Variants in CLEC1A observed in about 807,000 individuals in gnomAD.
The protein encoded by CLEC1A is C-type lectin domain family 1 member A, also known as C-type lectin-like receptor-1.
Under a neutral mutation model 28.7 loss-of-function variants are expected in CLEC1A, and 34 were observed. The ratio of observed to expected loss-of-function variants is 1.18; its 90% CI spans 0.90 to 1.57. The LOEUF (loss-of-function observed/expected upper bound fraction) is 1.57. Ranked by LOEUF, CLEC1A falls within the 40% of genes most tolerant of loss-of-function variation. The pLI is 0.00. For synonymous variants in CLEC1A, 116 were observed against 121.0 expected (o/e 0.96, Z 0.27); for missense variants, 385 against 339.5 (o/e 1.13, Z -1.05).
chr12:10,096,779 C>T (rs552381838), intron 1 of CLEC1A, among the ~76,000 whole-genome samples: 7 of 152,144 alleles, frequency 4.6e-5, no homozygotes, highest in Non-Finnish European at 8.8e-5. Flanking sequence ...TCTATAGTGT[C>T]CCCAGCCTCT....
Position 10,071,426 on chromosome 12 carries a change from T to C in CLEC1A, c.750A>G (p.Lys250=). The change falls in exon 6 of 6, where the codon AAA becomes AAG. Residue 250 remains lysine, a synonymous_variant. Transcript: ENST00000315330. ...TCTCACAGACACAACGCTTCAATTC[T>C]TTGCAGTCCTTTGAGAAGATCATCC... ...LNGMIFSKDC[K]ELKRCVCERR... The C allele has an allele frequency of 6.2e-7, 1 of 1,614,058 alleles. No individual in the cohort carries two copies. Among genetic ancestry groups the C allele is most frequent in the African/African-American group, 1.3e-5 (1 of 75,050 alleles).
At chr12:10,094,035 C>T (rs760876094) in intron 1 of CLEC1A, among the ~76,000 whole-genome samples, 19 of 152,144 alleles carry the variant, frequency 1.2e-4, no homozygotes, top group Middle Eastern at 3.4e-3. Context: ...GAGTATACAT[C>T]TAAAAACATA....
intron 3 of CLEC1A, among the ~76,000 whole-genome samples, chr12:10,080,247 A>G (rs1489452324): frequency 6.6e-6 from 1 of 152,140 alleles, no homozygotes. Flanking sequence ...TGGGAGGAGG[A>G]AGTTGCAGCA....
rs1168906993 is a variant in CLEC1A at position 10,081,408 on chromosome 12, G to A, written c.220C>T (p.Gln74Ter). ...GLAALGLLFF[Q>*]YYQLSNTGQD... is the part of the protein sequence containing the mutation. ...CCAGTATTGGAGAGCTGGTAGTACT[G>A]AAAAACTAACCCAAATGACCAAGTC... is the stretch of plus-strand genomic sequence containing the variant. Residue 74 changes from glutamine (Q) to a stop codon, truncating the protein, a stop_gained, in exon 3 of 6, where the codon CAG (glutamine) becomes TAG (stop). Transcript: ENST00000315330. LOFTEE classifies it high-confidence loss of function. The A allele has an allele frequency of 2.5e-6, 4 of 1,589,960 alleles. No individual in the cohort carries two copies. The highest frequency in any genetic ancestry group is 2.6e-6 in the Non-Finnish European group (3 of 1,170,506).
At chr12:10,074,024 T>C (rs1158007348) in intron 4 of CLEC1A, among the ~76,000 whole-genome samples, 1 of 152,208 alleles carries the variant, frequency 6.6e-6, no homozygotes, top group Non-Finnish European at 1.5e-5. Flanking sequence ...TACTTACTTC[T>C]ATCTAGTCTC....
In CLEC1A at chr12:10,073,402, C is replaced by G; in HGVS notation, c.553G>C (p.Ala185Pro). The G allele has an allele frequency of 6.2e-7, 1 of 1,611,974 alleles. No homozygotes were observed. Among genetic ancestry groups the G allele is most frequent in the Middle Eastern group, 1.7e-4 (1 of 6,054 alleles). ...INKQEDLEFA[A>P]SQSYSEFFYS... ...AAAAACTCAGAGTAGCTCTGAGACG[C>G]GGCAAATTCCTGTGAAAAGCACATA... is the stretch of plus-strand genomic sequence containing the variant. Residue 185 changes from alanine (A) to proline (P), a missense_variant, in exon 5 of 6, where the codon GCG becomes CCG. Physicochemically the swap from Ala to Pro is conservative, Grantham distance 27. Transcript: ENST00000315330.
intron 4 of CLEC1A, among the ~76,000 whole-genome samples, chr12:10,074,622 C>G (rs1034077273): frequency 3.9e-5 from 6 of 152,078 alleles, no homozygotes; most frequent in African/African-American, 1.4e-4. Context: ...AGGGTTTATG[C>G]TAGGGCACAC....
intron 2 of CLEC1A, among the ~76,000 whole-genome samples, chr12:10,087,204 C>CAAAAAAAAA (rs59407880): frequency 1.3e-5 from 1 of 75,996 alleles, no homozygotes; most frequent in Non-Finnish European, 2.3e-5. Context: ...GACTCCATCT[C>CAAAAAAAAA]AAAAAAAAAA....
At chr12:10,092,405 G>A in intron 1 of CLEC1A, 1 of 379,436 alleles carries the variant, frequency 2.6e-6, no homozygotes, top group Non-Finnish European at 5.2e-6. Context: ...AAATTCATCA[G>A]CCATGGTGGC....
chr12:10,086,819 C>T (rs1866500509), intron 2 of CLEC1A, among the ~76,000 whole-genome samples: 1 of 152,088 alleles, frequency 6.6e-6, no homozygotes, highest in Admixed American at 6.5e-5. Flanking sequence ...GCCAGTATCA[C>T]ACTAATACCA....
intron 5 of CLEC1A, among the ~76,000 whole-genome samples, chr12:10,072,428 G>A (rs985484866): frequency 6.6e-6 from 1 of 152,208 alleles, no homozygotes; most frequent in African/African-American, 2.4e-5. Flanking sequence ...CACAGCATAT[G>A]TACGACTAGT....
At chr12:10,098,694 A>C in intron 1 of CLEC1A, 114 bp downstream of exon 1, 1 of 656,420 alleles carries the variant, frequency 1.5e-6, no homozygotes. Context: ...AGGGCGAGTA[A>C]TTGGAAATAA....
At position 10,071,181 on chromosome 12, in the gene CLEC1A, G is replaced by T; in HGVS notation, c.*152C>A. On this transcript the variant is annotated 3_prime_UTR_variant, in exon 6 of 6. Coordinates refer to ENST00000315330, the MANE Select transcript of CLEC1A (RefSeq NM_016511.4). ...CGTGCATAAACCCAAGCTCAGAAATGCTGGTGATCCTGAACAGGAAACACG... is the reference window on the plus strand; with the variant it reads ...CGTGCATAAACCCAAGCTCAGAAATTCTGGTGATCCTGAACAGGAAACACG... 1 of 657,942 alleles carries T rather than the reference G, an allele frequency of 1.5e-6. No homozygotes were observed. The highest frequency in any genetic ancestry group is 2.5e-6 in the Non-Finnish European group (1 of 404,768). 40.8% of individuals were successfully genotyped at this position (657,942 alleles called of 1,614,324 possible).
At chr12:10,082,293 T>C (rs919433459) in intron 2 of CLEC1A, among the ~76,000 whole-genome samples, 5 of 152,030 alleles carry the variant, frequency 3.3e-5, no homozygotes, top group African/African-American at 1.2e-4. Flanking sequence ...CTGAGGCAAG[T>C]TCAGAGCCCC....
chr12:10,073,482 C>T, intron 4 of CLEC1A, 71 bp from the exon 5 acceptor site: 1 of 1,070,830 alleles, frequency 9.3e-7, no homozygotes, highest in African/African-American at 1.6e-5. Flanking sequence ...CATGCATGGG[C>T]CAGCCAGCAC....
chr12:10,085,398 A>G (rs1312218605), intron 2 of CLEC1A, among the ~76,000 whole-genome samples: 1 of 152,178 alleles, frequency 6.6e-6, no homozygotes, highest in Non-Finnish European at 1.5e-5. Context: ...TGTCTTCAAA[A>G]GACTCACCTA....
At chr12:10,079,767 C>T (rs1232763653) in intron 3 of CLEC1A, among the ~76,000 whole-genome samples, 11 of 151,238 alleles carry the variant, frequency 7.3e-5, no homozygotes, top group South Asian at 2.1e-4. Context: ...CGCAGGGAGC[C>T]GAGATCATGC....
In CLEC1A at chr12:10,098,932, T is replaced by A. The variant is rs1368079171; in HGVS notation, c.-10A>T. ...TGTACTTGGCCTGCATCTGGATTCCTACAGCGGTGAGAGTGAAATGTGGTC... is the reference window on the plus strand; with the variant it reads ...TGTACTTGGCCTGCATCTGGATTCCAACAGCGGTGAGAGTGAAATGTGGTC... On this transcript the variant is annotated 5_prime_UTR_variant, in exon 1 of 6. Transcript: ENST00000315330. 44 of 1,598,504 alleles carry A rather than the reference T, an allele frequency of 2.8e-5. No homozygotes were observed. The highest frequency in any genetic ancestry group is 3.7e-5 in the Non-Finnish European group (43 of 1,168,718).
rs777554877 is a variant in CLEC1A at position 10,081,252 on chromosome 12, A to G, written c.376T>C (p.Tyr126His). ...HVAEKLCREL[Y>H]NKAGAHRCSP... ...ACACACTTACCTCCAGCTTTGTTAT[A>G]CAGCTCACGACAGAGTTTTTCAGCC... Residue 126 changes from tyrosine (Y) to histidine (H), a missense_variant, in exon 3 of 6, where the codon TAT becomes CAT. Coordinates refer to ENST00000315330, the MANE Select transcript of CLEC1A (RefSeq NM_016511.4). 20 of 1,598,412 alleles carry G rather than the reference A, an allele frequency of 1.3e-5. No homozygotes were observed. The East Asian group carries it at 4.3e-4, about 34-fold the overall frequency.
Sources: gnomAD v4.1 joint callset for allele counts (sites outside exome capture counted in the v4.1 genomes callset) on GRCh38, gnomAD v4.1.1 for gene constraint, MANE v1.5 for transcripts, NCBI Gene and HGNC (gene_info 2026-07-23, HGNC 2026-07-21) for gene names.